ELP6: variants seen among roughly 807,000 people sequenced by gnomAD.
ELP6 encodes elongator acetyltransferase complex subunit 6, also known as elongator complex protein 6.
ELP6 carries 23 observed loss-of-function variants against 28.1 expected under a neutral mutation model. The ratio of observed to expected loss-of-function variants is 0.82; its 90% CI spans 0.59 to 1.16. The LOEUF is 1.16. Among genes scored for constraint, ELP6 ranks in the 50% most tolerant of loss-of-function variants. ELP6 has a pLI of 0.00. For missense variants in ELP6, 313 were observed against 334.6 expected, an observed-to-expected ratio of 0.94 and a Z score of 0.50; for synonymous variants, 132 against 135.8, an observed-to-expected ratio of 0.97 and a Z score of 0.19.
intron 3 of ELP6, among the ~76,000 whole-genome samples, chr3:47,507,418 A>G (rs1335022512): frequency 3.3e-5 from 5 of 151,498 alleles, no homozygotes; most frequent in Non-Finnish European, 5.9e-5. Flanking sequence ...GAATGAGGGC[A>G]GAACTCAGGA....
intron 1 of ELP6, 71 bp downstream of exon 1, chr3:47,513,466 A>ACCGCCTCCCGGATGCAGTATT: frequency 6.3e-7 from 1 of 1,575,978 alleles, no homozygotes; most frequent in Non-Finnish European, 8.6e-7. Context: ...GGTCGTGCGC[A>ACCGCCTCCCGGATGCAGTATT]CCGCCTCCCG....
At chr3:47,497,144 G>A (rs1576335946) in intron 6 of ELP6, 1 of 984,662 alleles carries the variant, frequency 1.0e-6, no homozygotes, top group South Asian at 4.7e-5. Context: ...CTGTGGTGGA[G>A]GCTTGGGAGT....
chr3:47,496,568 T>C (rs1708487442), intron 6 of ELP6: 3 of 827,048 alleles, frequency 3.6e-6, no homozygotes, highest in Non-Finnish European at 1.5e-6. Context: ...CAATCTTGGC[T>C]TACTGCAACC....
chr3:47,507,368 A>T (rs1286947633), intron 3 of ELP6, among the ~76,000 whole-genome samples: 2 of 151,744 alleles, frequency 1.3e-5, no homozygotes, highest in East Asian at 3.9e-4. Flanking sequence ...TCTCAAAAAA[A>T]AAAAAAAAAA....
intron 3 of ELP6, among the ~76,000 whole-genome samples, chr3:47,504,901 A>G (rs1298745758): frequency 6.6e-6 from 1 of 152,158 alleles, no homozygotes; most frequent in African/African-American, 2.4e-5. Context: ...TCAAGGCTGC[A>G]GTGAGCCATG....
chr3:47,501,410 G>A, intron 5 of ELP6: 1 of 537,102 alleles, frequency 1.9e-6, no homozygotes, highest in South Asian at 2.1e-5. Flanking sequence ...GACTGCAGCG[G>A]TGCCACACAT....
intron 5 of ELP6, among the ~76,000 whole-genome samples, chr3:47,499,215 T>A (rs973421436): frequency 1.1e-4 from 17 of 152,072 alleles, no homozygotes; most frequent in Admixed American, 1.1e-3. Flanking sequence ...TGTCTCTATT[T>A]TTAAAGAATA....
At chr3:47,510,287 C>G in intron 2 of ELP6, 33 bp from the exon 3 acceptor site, 15 of 1,586,704 alleles carry the variant, frequency 9.5e-6, no homozygotes, top group Non-Finnish European at 1.3e-5. Flanking sequence ...TAAATAAATC[C>G]TCTGGTTACA....
chr3:47,510,942 A>G (rs1363011808), intron 2 of ELP6, among the ~76,000 whole-genome samples: 11 of 152,210 alleles, frequency 7.2e-5, no homozygotes, highest in Admixed American at 7.2e-4. Context: ...ACACAGAAAC[A>G]GTGAGCACAT....
intron 3 of ELP6, among the ~76,000 whole-genome samples, chr3:47,508,765 CTTTTTTTT>C (rs1218072845): frequency 7.6e-6 from 1 of 132,210 alleles, no homozygotes; most frequent in Non-Finnish European, 1.6e-5. Flanking sequence ...TTTTTTTTTC[CTTTTTTTT>C]TTTTTTTTTG....
At chr3:47,496,783 T>C in intron 6 of ELP6, 6 of 985,370 alleles carry the variant, frequency 6.1e-6, no homozygotes, top group Non-Finnish European at 7.2e-6. Context: ...CGTGAGCCAC[T>C]GTGCCCGGTC....
At chr3:47,496,806 C>T (rs909143162) in intron 6 of ELP6, 2 of 985,164 alleles carry the variant, frequency 2.0e-6, no homozygotes, top group African/African-American at 1.7e-5. Flanking sequence ...TTTGTTCTTT[C>T]TTCTAAGCAT....
At position 47,500,118 on chromosome 3, in the gene ELP6, C is replaced by T. The variant is rs1177562306; in HGVS notation, c.525+1532G>A. 4 of 1,174,192 alleles carry T rather than the reference C, an allele frequency of 3.4e-6. No homozygotes were observed. The East Asian group carries it at 2.8e-4, about 83-fold the overall frequency. The allele number at this position is 1,174,192 out of a possible 1,614,324, so 72.7% of individuals were successfully genotyped here. A position where few individuals can be genotyped will look rare whatever the true frequency, so the allele number is the denominator to read the frequency against. On this transcript the variant is annotated intron_variant, in intron 5 of 6. Transcript: ENST00000296149. ...AAGGAGGGACTGGCATCTGCACAGC[C>T]ATTAAATTATAAATCAGGACCAGAA... is the stretch of plus-strand genomic sequence containing the variant.
intron 3 of ELP6, among the ~76,000 whole-genome samples, chr3:47,505,013 T>C (rs1011653915): frequency 2.0e-5 from 3 of 152,080 alleles, no homozygotes; most frequent in Non-Finnish European, 2.9e-5. Flanking sequence ...ACGCCTATAA[T>C]CCCAGCACTT....
rs1315426080 is a variant in ELP6 at position 47,500,088 on chromosome 3, G to T, written c.525+1562C>A. On this transcript the variant is annotated intron_variant, in intron 5 of 6. Transcript: ENST00000296149. ...TCCCAGAGCAGTGGGCTTGTGAACG[G>T]CAGAAAGGAGGGACTGGCATCTGCA... 1.1e-5 allele frequency: 13 copies of T among 1,212,008 alleles called. 2 individuals carry two copies. The South Asian group carries it at 2.1e-4, about 19-fold the overall frequency. 75.1% of individuals were successfully genotyped at this position (1,212,008 alleles called of 1,614,324 possible).
rs1319032299 is a variant in ELP6, at chr3:47,510,271, T to C, written c.134-17A>G. The C allele has an allele frequency of 5.6e-6, 9 of 1,606,250 alleles. No homozygotes were observed. Among genetic ancestry groups the C allele is most frequent in the African/African-American group, 1.3e-5 (1 of 74,884 alleles). ...TACAATTAGCTAGAAAACAAAACAA[T>C]TATTTTAAATAAATCCTCTGGTTAC... On this transcript the variant is annotated splice_polypyrimidine_tract_variant and intron_variant, in intron 2 of 6. Transcript: ENST00000296149.
chr3:47,507,404 T>A (rs1241659749), intron 3 of ELP6, among the ~76,000 whole-genome samples: 1 of 149,934 alleles, frequency 6.7e-6, no homozygotes, highest in African/African-American at 2.5e-5. Flanking sequence ...TGGGTCTAAT[T>A]CCAGAATGAG....
chr3:47,510,241 G>A lies in ELP6; in HGVS notation c.147C>T (p.Val49=), dbSNP rs1396824265. 2 of 1,613,346 alleles carry A rather than the reference G, an allele frequency of 1.2e-6. No homozygotes were observed. The highest frequency in any genetic ancestry group is 1.3e-5 in the African/African-American group (1 of 74,868). The change falls in exon 3 of 7, where the codon GTC becomes GTT. Residue 49 remains valine (V), a synonymous_variant. Transcript: ENST00000296149. ...AGGACTGGATGAGTGCCACAAAGCA[G>A]ACTTTACAATTAGCTAGAAAACAAA... ...LSFYLKANCK[V]CFVALIQSFS... is the part of the protein sequence containing the mutation.
intron 6 of ELP6, among the ~76,000 whole-genome samples, chr3:47,497,653 G>A (rs945422473): frequency 6.6e-6 from 1 of 150,396 alleles, no homozygotes; most frequent in Non-Finnish European, 1.5e-5. Flanking sequence ...GGCTGGGCAC[G>A]GTGGCTCACA....
Sources: allele counts gnomAD v4.1 joint callset (sites outside exome capture counted in the v4.1 genomes callset), GRCh38; gene constraint gnomAD v4.1.1; transcripts MANE v1.5; gene names NCBI Gene and HGNC (gene_info 2026-07-23, HGNC 2026-07-21).